DLG2: variants seen among roughly 807,000 people sequenced by gnomAD.
DLG2 encodes discs large MAGUK scaffold protein 2.
In DLG2, 45 loss-of-function variants were observed where a neutral mutation model predicts 132.5. The observed-to-expected ratio is 0.34, with a 90% CI of 0.27 to 0.44. The LOEUF is 0.44. DLG2 is among the 20% of genes least tolerant of loss of function. The probability of loss-of-function intolerance (pLI) is 1.00; values close to 1 mark genes in which losing one functional copy is unlikely to be tolerated. For synonymous variants in DLG2, 424 were observed against 419.6 expected (o/e 1.01, Z -0.13); for missense variants, 1,045 against 1,196.9 (o/e 0.87, Z 1.87).
intron 3 of DLG2, among the ~76,000 whole-genome samples, chr11:85,462,813 AATG>A (rs1242228748): frequency 2.0e-5 from 3 of 150,536 alleles, no homozygotes; most frequent in Admixed American, 2.0e-4. Context: ...TAAAAAAAAA[AATG>A]AAAACCTAAC....
chr11:83,466,863 G>T (rs764784903), intron 25 of DLG2, 46 bp from the exon 26 acceptor site: 8 of 1,328,258 alleles, frequency 6.0e-6, no homozygotes, highest in Non-Finnish European at 6.5e-6. Flanking sequence ...AGGAAGCATG[G>T]CCATAATCCA....
At chr11:83,624,349 G>C (rs2062127830) in intron 19 of DLG2, among the ~76,000 whole-genome samples, 1 of 152,188 alleles carries the variant, frequency 6.6e-6, no homozygotes, top group Non-Finnish European at 1.5e-5. Flanking sequence ...GGTAGCCTAT[G>C]ATTGCAGGGG....
chr11:84,855,465 T>A (rs2082659981), intron 6 of DLG2, among the ~76,000 whole-genome samples: 1 of 152,072 alleles, frequency 6.6e-6, no homozygotes, highest in South Asian at 2.1e-4. Context: ...GTAAAATATC[T>A]GAAGAGAACA....
chr11:84,991,117 T>C (rs890051797), intron 6 of DLG2, among the ~76,000 whole-genome samples: 2 of 152,150 alleles, frequency 1.3e-5, no homozygotes, highest in Non-Finnish European at 2.9e-5. Flanking sequence ...AAAGGTTACA[T>C]GCATGATTTA....
intron 6 of DLG2, among the ~76,000 whole-genome samples, chr11:85,013,557 A>G (rs573082711): frequency 2.0e-5 from 3 of 152,346 alleles, no homozygotes; most frequent in South Asian, 4.1e-4. Context: ...ACAAATTATC[A>G]GCTCCTGTTC....
chr11:85,034,691 T>G (rs887445443), intron 6 of DLG2, among the ~76,000 whole-genome samples: 6 of 152,176 alleles, frequency 3.9e-5, no homozygotes, highest in Admixed American at 1.3e-4. Flanking sequence ...CTGAGCATCC[T>G]CACATTCTGT....
chr11:83,516,894 G>T (rs1207683223), intron 21 of DLG2, among the ~76,000 whole-genome samples: 1 of 148,700 alleles, frequency 6.7e-6, no homozygotes, highest in African/African-American at 2.5e-5. Context: ...CGAGAGATCC[G>T]CTGTTAGTCT....
At chr11:84,124,991 C>T (rs1464696751) in intron 9 of DLG2, among the ~76,000 whole-genome samples, 2 of 151,650 alleles carry the variant, frequency 1.3e-5, no homozygotes, top group Non-Finnish European at 2.9e-5. Flanking sequence ...GCTGAGATTA[C>T]AGGCATGTGC....
chr11:85,215,265 G>A (rs1018424979), intron 4 of DLG2, among the ~76,000 whole-genome samples: 3 of 152,054 alleles, frequency 2.0e-5, no homozygotes, highest in Non-Finnish European at 2.9e-5. Context: ...TTTTTTAATG[G>A]CATTATGGGT....
chr11:84,962,685 C>T (rs1337444896), intron 6 of DLG2, among the ~76,000 whole-genome samples: 2 of 152,132 alleles, frequency 1.3e-5, no homozygotes, highest in African/African-American at 4.8e-5. Context: ...TCCTCTAATC[C>T]ACAGAATTTC....
chr11:84,027,297 T>A (rs2095562125), intron 11 of DLG2, among the ~76,000 whole-genome samples: 1 of 152,112 alleles, frequency 6.6e-6, no homozygotes, highest in Non-Finnish European at 1.5e-5. Flanking sequence ...ACAGTAAAGT[T>A]TTGGCAACTA....
At chr11:85,076,692 A>G (rs7102107) in intron 6 of DLG2, among the ~76,000 whole-genome samples, 37,094 of 151,936 alleles carry the variant, frequency 0.24, 4,810 homozygotes, top group Middle Eastern at 0.3. Flanking sequence ...CTAGGCAGGC[A>G]CATGTACATA....
chr11:83,919,463 A>C (rs1486131634), intron 15 of DLG2, among the ~76,000 whole-genome samples: 1 of 152,212 alleles, frequency 6.6e-6, no homozygotes, highest in Non-Finnish European at 1.5e-5. Context: ...ATAAGGCAGA[A>C]GCTGATTAAA....
intron 6 of DLG2, among the ~76,000 whole-genome samples, chr11:84,558,301 T>G (rs1177687871): frequency 6.6e-6 from 1 of 152,136 alleles, no homozygotes; most frequent in Non-Finnish European, 1.5e-5. Context: ...TAAGCATCCT[T>G]AAATCTAAAG....
chr11:83,844,816 C>A (rs184707302), intron 16 of DLG2, among the ~76,000 whole-genome samples: 3 of 152,112 alleles, frequency 2.0e-5, no homozygotes, highest in African/African-American at 4.8e-5. Context: ...GCTCATCTGG[C>A]CATCCTAGCT....
intron 6 of DLG2, among the ~76,000 whole-genome samples, chr11:84,750,920 G>A (rs956731689): frequency 6.6e-6 from 1 of 152,126 alleles, no homozygotes; most frequent in African/African-American, 2.4e-5. Context: ...TTCTGGATGG[G>A]ATAATTGAGA....
intron 9 of DLG2, among the ~76,000 whole-genome samples, chr11:84,154,115 C>T (rs112821980): frequency 2.5e-3 from 382 of 152,108 alleles, no homozygotes; most frequent in African/African-American, 8.3e-3. Flanking sequence ...CTCATGTCTC[C>T]GCCTCCCAAG....
intron 18 of DLG2, among the ~76,000 whole-genome samples, chr11:83,750,011 T>C (rs2093200508): frequency 6.6e-6 from 1 of 152,204 alleles, no homozygotes; most frequent in Admixed American, 6.5e-5. Context: ...ACTAATTTGA[T>C]ACATGTTACC....
intron 6 of DLG2, among the ~76,000 whole-genome samples, chr11:84,596,717 T>C (rs1476654223): frequency 1.3e-5 from 2 of 152,202 alleles, no homozygotes; most frequent in Non-Finnish European, 2.9e-5. Flanking sequence ...AGGAAGCATA[T>C]GGGTGAACTA....
Sources: allele counts gnomAD v4.1 joint callset (sites outside exome capture counted in the v4.1 genomes callset), GRCh38; gene constraint gnomAD v4.1.1; transcripts MANE v1.5; gene names NCBI Gene and HGNC (gene_info 2026-07-23, HGNC 2026-07-21).